MRTFA: variants seen among roughly 807,000 people sequenced by gnomAD.
The protein encoded by MRTFA is myocardin related transcription factor A.
A neutral mutation model predicts 83.5 loss-of-function variants in MRTFA; 20 were observed. The ratio of observed to expected loss-of-function variants is 0.24; its 90% CI spans 0.17 to 0.35. MRTFA has a LOEUF of 0.35. Among genes scored for constraint, MRTFA ranks in the 10% least tolerant of loss-of-function variants. MRTFA has a pLI of 1.00. For missense variants in MRTFA, 1,200 were observed against 1,224.7 expected (o/e 0.98, Z 0.30); for synonymous variants, 659 against 541.2 (o/e 1.22, Z -3.02).
chr22:40,498,252 C>CATATATATATATATATATATATAT (rs200779719), intron 3 of MRTFA, among the ~76,000 whole-genome samples: 2 of 77,528 alleles, frequency 2.6e-5, no homozygotes, highest in African/African-American at 1.2e-4. Context: ...GTACACACTT[C>CATATATATATATATATATATATAT]ATATATATAT....
intron 3 of MRTFA, among the ~76,000 whole-genome samples, chr22:40,536,946 G>A (rs1480210283): frequency 6.6e-4 from 57 of 86,796 alleles, no homozygotes; most frequent in African/African-American, 2.2e-3. Flanking sequence ...CTCTCCACCC[G>A]GCAGCCACCC....
intron 4 of MRTFA, among the ~76,000 whole-genome samples, chr22:40,440,678 CTG>C (rs1227199955): frequency 1.3e-5 from 2 of 152,132 alleles, no homozygotes. Context: ...AGGGCAACTC[CTG>C]TGTGTGTCCC....
chr22:40,529,681 A>AT (rs2055041616), intron 3 of MRTFA, among the ~76,000 whole-genome samples: 1 of 152,244 alleles, frequency 6.6e-6, no homozygotes, highest in African/African-American at 2.4e-5. Context: ...GTTTAAAAGC[A>AT]TTTTCTGAAG....
chr22:40,579,853 T>G (rs983629537), intron 2 of MRTFA, among the ~76,000 whole-genome samples: 1 of 132,350 alleles, frequency 7.6e-6, no homozygotes. Context: ...AGAGCGAAAC[T>G]CCATCTCAAA....
intron 1 of MRTFA, among the ~76,000 whole-genome samples, chr22:40,600,739 G>T (rs2056249136): frequency 6.6e-6 from 1 of 152,190 alleles, no homozygotes; most frequent in Non-Finnish European, 1.5e-5. Context: ...CAGAACTTTG[G>T]GAGGCCGAGG....
chr22:40,447,361 G>GA (rs562819781), intron 4 of MRTFA, among the ~76,000 whole-genome samples: 45 of 149,606 alleles, frequency 3.0e-4, no homozygotes, highest in African/African-American at 1.1e-3. Flanking sequence ...AAAAAAAAAA[G>GA]AAAAAAGAAA....
At chr22:40,635,309 A>T (rs1474335984) in intron 1 of MRTFA, among the ~76,000 whole-genome samples, 6 of 150,714 alleles carry the variant, frequency 4.0e-5, no homozygotes, top group Non-Finnish European at 1.5e-5. Context: ...GGTCTTCTGA[A>T]GTAAAACATG....
chr22:40,600,627 G>A (rs562493770), intron 1 of MRTFA, among the ~76,000 whole-genome samples: 103 of 152,138 alleles, frequency 6.8e-4, no homozygotes, highest in Non-Finnish European at 1.3e-3. Context: ...GAATTCAACC[G>A]AACATGCTCA....
chr22:40,471,927 A>C (rs1272622837), intron 3 of MRTFA, among the ~76,000 whole-genome samples: 1 of 152,220 alleles, frequency 6.6e-6, no homozygotes, highest in East Asian at 1.9e-4. Context: ...CTTCCAGGAA[A>C]CAGAGGAGAA....
intron 3 of MRTFA, among the ~76,000 whole-genome samples, chr22:40,476,790 T>C (rs1405071132): frequency 6.6e-6 from 1 of 152,124 alleles, no homozygotes; most frequent in Admixed American, 6.5e-5. Flanking sequence ...GATAATTTTC[T>C]TCCTTCAACT....
chr22:40,576,751 T>C (rs2055873266), intron 2 of MRTFA, among the ~76,000 whole-genome samples: 1 of 152,196 alleles, frequency 6.6e-6, no homozygotes, highest in Non-Finnish European at 1.5e-5. Context: ...TCCAATATAA[T>C]GTATACCTAA....
At chr22:40,515,357 G>A (rs1023001170) in intron 3 of MRTFA, among the ~76,000 whole-genome samples, 2 of 152,034 alleles carry the variant, frequency 1.3e-5, no homozygotes, top group Non-Finnish European at 2.9e-5. Context: ...ACAGTCTAGT[G>A]AGAAACATAT....
intron 3 of MRTFA, among the ~76,000 whole-genome samples, chr22:40,463,775 G>C (rs924441843): frequency 6.6e-6 from 1 of 152,062 alleles, no homozygotes; most frequent in Non-Finnish European, 1.5e-5. Flanking sequence ...AAAAATTATA[G>C]CCATTTCACC....
chr22:40,507,314 T>C (rs888640180), intron 3 of MRTFA, among the ~76,000 whole-genome samples: 3 of 151,870 alleles, frequency 2.0e-5, no homozygotes, highest in Admixed American at 6.6e-5. Context: ...TGAGCAGTGA[T>C]TGCACCACTG....
At chr22:40,591,248 G>A (rs1251364734) in intron 2 of MRTFA, among the ~76,000 whole-genome samples, 2 of 149,826 alleles carry the variant, frequency 1.3e-5, no homozygotes, top group Non-Finnish European at 3.0e-5. Flanking sequence ...TTCCACTCCG[G>A]CCTGGGCAAA....
intron 8 of MRTFA, 86 bp downstream of exon 8, chr22:40,424,120 G>A: frequency 7.3e-7 from 1 of 1,371,180 alleles, no homozygotes; most frequent in Non-Finnish European, 9.7e-7. Context: ...CAGAGCAGGA[G>A]GCATCCCGTG....
At chr22:40,527,554 G>A (rs1288570005) in intron 3 of MRTFA, among the ~76,000 whole-genome samples, 1 of 151,866 alleles carries the variant, frequency 6.6e-6, no homozygotes, top group East Asian at 1.9e-4. Context: ...TTAGGAGATC[G>A]AGACTATCCT....
chr22:40,494,585 G>A (rs2054319758), intron 3 of MRTFA, among the ~76,000 whole-genome samples: 1 of 151,920 alleles, frequency 6.6e-6, no homozygotes, highest in Non-Finnish European at 1.5e-5. Flanking sequence ...GGAGGCTAAG[G>A]TAGGAGCATC....
At chr22:40,454,839 G>A (rs1480102690) in intron 4 of MRTFA, among the ~76,000 whole-genome samples, 1 of 152,142 alleles carries the variant, frequency 6.6e-6, no homozygotes, top group Non-Finnish European at 1.5e-5. Flanking sequence ...TGTCATCCAG[G>A]CTGGAGTGCA....
Sources: gnomAD v4.1 joint callset for allele counts (sites outside exome capture counted in the v4.1 genomes callset) on GRCh38, gnomAD v4.1.1 for gene constraint, MANE v1.5 for transcripts, NCBI Gene and HGNC (gene_info 2026-07-23, HGNC 2026-07-21) for gene names.